Variants in MALRD1 observed in about 807,000 individuals in gnomAD.
MALRD1 encodes MAM and LDL receptor class A domain containing 1.
MALRD1 carries 247 observed loss-of-function variants against 242.1 expected under a neutral mutation model. The ratio of observed to expected loss-of-function variants is 1.02; its 90% CI spans 0.92 to 1.13. The LOEUF is 1.13. Among genes scored for constraint, MALRD1 ranks in the 50% most tolerant of loss-of-function variants. MALRD1 has a pLI of 0.00. For synonymous variants in MALRD1, 995 were observed against 866.6 expected (o/e 1.15, Z -2.60); for missense variants, 2,989 against 2,533.1 (o/e 1.18, Z -3.86).
rs1011569117 is a variant in MALRD1 at position 19,615,467 on chromosome 10, G to T, written c.6071-390G>T. ...GGAGGTTGAGGCTGCAGTGAGCTGT[G>T]TTTATGCCACTCTATTCCAAGCCTG... is the stretch of plus-strand genomic sequence containing the variant. On this transcript the variant is annotated intron_variant, in intron 35 of 39. Transcript: ENST00000454679. Among the ~76,000 whole-genome samples, 14 of 116,088 alleles carry T rather than the reference G, an allele frequency of 1.2e-4. No homozygotes were observed. In the Admixed American group the frequency reaches 1.6e-3, roughly 13 times the overall value. 76.2% of individuals were successfully genotyped at this position (116,088 alleles called of 152,430 possible).
intron 29 of MALRD1, among the ~76,000 whole-genome samples, chr10:19,476,085 C>T (rs922039946): frequency 1.3e-5 from 2 of 152,074 alleles, no homozygotes; most frequent in Admixed American, 6.5e-5. Context: ...AAATCAAGGG[C>T]ATTTTTGCCA....
intron 29 of MALRD1, among the ~76,000 whole-genome samples, chr10:19,471,448 T>A (rs1836491218): frequency 6.7e-6 from 1 of 149,124 alleles, no homozygotes; most frequent in African/African-American, 2.6e-5. Flanking sequence ...ATTTTAGGAC[T>A]TTTTTTTCTA....
chr10:19,212,266 C>A (rs1588704510), intron 18 of MALRD1, among the ~76,000 whole-genome samples: 1 of 152,136 alleles, frequency 6.6e-6, no homozygotes, highest in Non-Finnish European at 1.5e-5. Context: ...CCTTAACAAC[C>A]ACCGAACTGC....
intron 28 of MALRD1, among the ~76,000 whole-genome samples, chr10:19,420,675 A>C (rs571686924): frequency 6.6e-6 from 1 of 152,166 alleles, no homozygotes; most frequent in Non-Finnish European, 1.5e-5. Flanking sequence ...TTGTGCACAT[A>C]CCCTCTGCCT....
At chr10:19,359,545 C>T (rs1564592739) in intron 26 of MALRD1, among the ~76,000 whole-genome samples, 3 of 151,986 alleles carry the variant, frequency 2.0e-5, no homozygotes, top group African/African-American at 4.8e-5. Context: ...TACTCCACTG[C>T]GCACTTCTTC....
At chr10:19,288,107 C>T (rs1053838545) in intron 21 of MALRD1, among the ~76,000 whole-genome samples, 1 of 151,696 alleles carries the variant, frequency 6.6e-6, no homozygotes, top group Non-Finnish European at 1.5e-5. Flanking sequence ...TTTGGAGTCT[C>T]ACTCTGCCAC....
At chr10:19,556,874 C>G (rs1278647520) in intron 32 of MALRD1, among the ~76,000 whole-genome samples, 1 of 152,090 alleles carries the variant, frequency 6.6e-6, no homozygotes, top group African/African-American at 2.4e-5. Flanking sequence ...TGCATTCCCA[C>G]CAGAAGATAA....
At chr10:19,344,724 G>T (rs901478486) in intron 24 of MALRD1, among the ~76,000 whole-genome samples, 1 of 150,680 alleles carries the variant, frequency 6.6e-6, no homozygotes, top group African/African-American at 2.4e-5. Context: ...GTCAATTGGG[G>T]GGGGGGAGTC....
At chr10:19,098,020 C>T (rs749641727) in intron 4 of MALRD1, among the ~76,000 whole-genome samples, 1 of 152,122 alleles carries the variant, frequency 6.6e-6, no homozygotes, top group Non-Finnish European at 1.5e-5. Context: ...CCTCTACTTT[C>T]TTAAGAAACT....
chr10:19,543,255 TCG>T (rs1419615277), intron 32 of MALRD1, among the ~76,000 whole-genome samples: 9 of 149,550 alleles, frequency 6.0e-5, no homozygotes, highest in Admixed American at 1.3e-4. Flanking sequence ...AGCTGATTTT[TCG>T]TTTTTGTTTT....
At chr10:19,457,756 A>G (rs1835733874) in intron 29 of MALRD1, among the ~76,000 whole-genome samples, 1 of 149,746 alleles carries the variant, frequency 6.7e-6, no homozygotes, top group Non-Finnish European at 1.5e-5. Context: ...CAATGATTTC[A>G]AATGGTCTTG....
At chr10:19,645,328 C>T (rs1449025667) in intron 36 of MALRD1, among the ~76,000 whole-genome samples, 1 of 152,174 alleles carries the variant, frequency 6.6e-6, no homozygotes, top group Non-Finnish European at 1.5e-5. Flanking sequence ...GGTGATTCCT[C>T]AGGGGTCTAG....
intron 32 of MALRD1, among the ~76,000 whole-genome samples, chr10:19,561,749 CAAG>C (rs1284645631): frequency 4.7e-5 from 7 of 150,406 alleles, no homozygotes; most frequent in Non-Finnish European, 7.4e-5. Flanking sequence ...TTGGATGAAA[CAAG>C]AAGGCTGGAA....
chr10:19,389,688 G>A (rs1271265781), intron 28 of MALRD1, 79 bp downstream of exon 28: 2 of 1,419,270 alleles, frequency 1.4e-6, no homozygotes, highest in African/African-American at 2.9e-5. Flanking sequence ...CACTCAGGCT[G>A]CAGTGCAGTG....
chr10:19,295,176 A>G (rs1432474407), intron 21 of MALRD1, among the ~76,000 whole-genome samples: 1 of 152,044 alleles, frequency 6.6e-6, no homozygotes, highest in Non-Finnish European at 1.5e-5. Flanking sequence ...ATGAAACCAT[A>G]CACAGTAGAA....
chr10:19,630,567 T>C (rs1839856932), intron 36 of MALRD1, among the ~76,000 whole-genome samples: 1 of 152,176 alleles, frequency 6.6e-6, no homozygotes, highest in Non-Finnish European at 1.5e-5. Flanking sequence ...ATAAAGACTT[T>C]AGTAATGAGA....
intron 2 of MALRD1, among the ~76,000 whole-genome samples, chr10:19,083,635 G>T (rs1186483175): frequency 6.6e-6 from 1 of 151,882 alleles, no homozygotes; most frequent in African/African-American, 2.4e-5. Flanking sequence ...CAAAAGACAG[G>T]TCAAATAATA....
At position 19,636,171 on chromosome 10, in the gene MALRD1, G is replaced by C. The variant is rs116334220; in HGVS notation, c.6137+20248G>C. ...ACCATGGAATTCTCTCAGGACAATA[G>C]GTATCAGAAGACAACAGAAAGAAAA... On this transcript the variant is annotated intron_variant, in intron 36 of 39. Transcript: ENST00000454679. 9.3e-3 allele frequency among the ~76,000 whole-genome samples: 1,411 copies of C among 152,194 alleles called. 20 individuals are homozygous for C. The highest frequency in any genetic ancestry group is 0.032 in the African/African-American group (1,324 of 41,526).
chr10:19,732,721 A>T (rs1361845783), intron 39 of MALRD1, among the ~76,000 whole-genome samples: 1 of 152,134 alleles, frequency 6.6e-6, no homozygotes, highest in Non-Finnish European at 1.5e-5. Context: ...GATAGGTATT[A>T]TGGATTCTTT....
Sources: allele counts gnomAD v4.1 joint callset (sites outside exome capture counted in the v4.1 genomes callset), GRCh38; gene constraint gnomAD v4.1.1; transcripts MANE v1.5; gene names NCBI Gene and HGNC (gene_info 2026-07-23, HGNC 2026-07-21).